TOPBP1: variants seen among roughly 807,000 people sequenced by gnomAD.
TOPBP1 encodes DNA topoisomerase 2-binding protein 1.
Under a neutral mutation model 167.7 loss-of-function variants are expected in TOPBP1, and 28 were observed. That is an observed-to-expected ratio of 0.17 (90% confidence interval 0.12 to 0.23). The LOEUF (loss-of-function observed/expected upper bound fraction) is 0.23. Among genes scored for constraint, TOPBP1 ranks in the 10% least tolerant of loss-of-function variants. The probability of loss-of-function intolerance (pLI) is 1.00; values close to 1 mark genes in which losing one functional copy is unlikely to be tolerated. For missense variants in TOPBP1, 1,554 were observed against 1,809.6 expected, an observed-to-expected ratio of 0.86 and a Z score of 2.56; for synonymous variants, 598 against 611.4, an observed-to-expected ratio of 0.98 and a Z score of 0.32.
At chr3:133,605,901 T>A (rs935634893) in intron 27 of TOPBP1, among the ~76,000 whole-genome samples, 3 of 152,122 alleles carry the variant, frequency 2.0e-5, no homozygotes, top group African/African-American at 2.4e-5. Flanking sequence ...TCATAGGGTA[T>A]AAAAGACTGA....
chr3:133,661,809 A>T lies in TOPBP1; in HGVS notation c.-48T>A, dbSNP rs1936730963. On this transcript the variant is annotated 5_prime_UTR_variant, in exon 1 of 28. Coordinates refer to ENST00000260810, the MANE Select transcript of TOPBP1 (RefSeq NM_007027.4). ...GGGTCTCCGGGCGGCGAGTCGGGGG[A>T]CGCGCTGGCCGCAGGGCGGTGGCTG... 1 of 152,406 alleles carries T rather than the reference A, an allele frequency of 6.6e-6. No homozygotes were observed. Among genetic ancestry groups the T allele is most frequent in the Admixed American group, 6.5e-5 (1 of 15,274 alleles). The allele number at this position is 152,406 out of a possible 1,614,324, so 9.4% of individuals were successfully genotyped here. A position where few individuals can be genotyped will look rare whatever the true frequency, so the allele number is the denominator to read the frequency against.
At chr3:133,618,827 C>T (rs1576685466) in intron 20 of TOPBP1, among the ~76,000 whole-genome samples, 2 of 152,046 alleles carry the variant, frequency 1.3e-5, no homozygotes, top group Admixed American at 1.3e-4. Context: ...CTTTACTTAA[C>T]AGTAGTTATA....
rs1341830671 is a variant in TOPBP1 at position 133,653,398 on chromosome 3, G to GCTT, written c.866_868dup (p.Glu289dup). 2.5e-6 allele frequency: 4 copies of GCTT among 1,612,094 alleles called. No homozygotes were observed. The highest frequency in any genetic ancestry group is 3.4e-6 in the Non-Finnish European group (4 of 1,179,380). On this transcript the variant is annotated inframe_insertion, in exon 7 of 28. Coordinates refer to ENST00000260810, the MANE Select transcript of TOPBP1 (RefSeq NM_007027.4). ...AGTTGAAGAATTGGGCATAGTCTTTGCTTCTGGTCTAGGTTCTGTCTTGTA... is the reference window on the plus strand; with the variant it reads ...AGTTGAAGAATTGGGCATAGTCTTTGCTTCTTCTGGTCTAGGTTCTGTCTTGTA...
intron 14 of TOPBP1, among the ~76,000 whole-genome samples, chr3:133,636,079 GT>G (rs11320762): frequency 0.73 from 111,391 of 151,896 alleles, 41,067 homozygotes; most frequent in Middle Eastern, 0.79. Flanking sequence ...CAAAACTATA[GT>G]TATTAGAAGT....
At chr3:133,640,497 G>A (rs1220349332) in intron 12 of TOPBP1, among the ~76,000 whole-genome samples, 2 of 152,006 alleles carry the variant, frequency 1.3e-5, no homozygotes, top group Non-Finnish European at 2.9e-5. Context: ...TGCAACCTCC[G>A]CCTCCCAGGC....
intron 14 of TOPBP1, among the ~76,000 whole-genome samples, chr3:133,630,015 T>C (rs1935414686): frequency 6.6e-6 from 1 of 152,102 alleles, no homozygotes. Context: ...CTCAAACTCC[T>C]GACCTCATCA....
intron 13 of TOPBP1, 42 bp downstream of exon 13, chr3:133,639,917 T>C (rs766613397): frequency 1.3e-6 from 2 of 1,569,546 alleles, no homozygotes; most frequent in Non-Finnish European, 1.7e-6. Context: ...AGAAACCATC[T>C]AGTTGTAAAT....
chr3:133,643,476 T>C, intron 11 of TOPBP1, 104 bp from the exon 12 acceptor site: 1 of 985,754 alleles, frequency 1.0e-6, no homozygotes, highest in South Asian at 2.0e-5. Context: ...TAAGAAGAAA[T>C]TTTACTTTAA....
At chr3:133,639,085 A>C (rs1326323691) in intron 13 of TOPBP1, among the ~76,000 whole-genome samples, 2 of 152,184 alleles carry the variant, frequency 1.3e-5, no homozygotes, top group Non-Finnish European at 2.9e-5. Context: ...TAGAAATACC[A>C]TTTGACCCAG....
Position 133,620,141 on chromosome 3 carries a change from T to C in TOPBP1, c.3371+14A>G. The C allele has an allele frequency of 6.3e-7, 1 of 1,587,480 alleles. No homozygotes were observed. Among genetic ancestry groups the C allele is most frequent in the Non-Finnish European group, 8.6e-7 (1 of 1,166,434 alleles). On this transcript the variant is annotated intron_variant, in intron 20 of 27. Transcript: ENST00000260810. ...AGTCATCTAGTCTTTCTGCCATCAG[T>C]GACAGGTACACACCTCAGTGCCTCT... is the stretch of plus-strand genomic sequence containing the variant.
intron 23 of TOPBP1, among the ~76,000 whole-genome samples, chr3:133,612,976 CAGCCTCGCAAGT>C (rs1934732088): frequency 6.6e-6 from 1 of 152,162 alleles, no homozygotes; most frequent in Admixed American, 6.5e-5. Context: ...TCTCCTCCCT[CAGCCTCGCAAGT>C]AGCTGGGATT....
In TOPBP1 at chr3:133,649,521, G is replaced by A. The variant is rs1254790447; in HGVS notation, c.1366C>T (p.His456Tyr). The change falls in exon 10 of 28, where the codon CAT becomes TAT. Residue 456 changes from histidine to tyrosine, a missense_variant. This residue lies in a region of TOPBP1 where 1,197 missense variants were observed against 1,351.5 expected (regional missense o/e 0.89). Transcript: ENST00000260810. ...NYQPVEIPVSHKPESKAALLK... is the reference protein window; with the variant it reads ...NYQPVEIPVSYKPESKAALLK... ...AGAGCTGCTTTACTTTCAGGCTTAT[G>A]TGAAACTGGAATTTCCACTGGCTGG... 6.2e-7 allele frequency: 1 copy of A among 1,613,928 alleles called. No homozygotes were observed. The highest frequency in any genetic ancestry group is 8.5e-7 in the Non-Finnish European group (1 of 1,179,858).
chr3:133,625,604 GC>G lies in TOPBP1; in HGVS notation c.2805-1430del, dbSNP rs765013164. On this transcript the variant is annotated intron_variant, in intron 16 of 27. Transcript: ENST00000260810. ...AAATTAGCCGGGTGTGGTGGCGCATGCCTGTAATACCAGCTACTCAGGAGGC... is the reference window on the plus strand; with the variant it reads ...AAATTAGCCGGGTGTGGTGGCGCATGCTGTAATACCAGCTACTCAGGAGGC... Among the ~76,000 whole-genome samples the G allele has an allele frequency of 5.3e-5, 8 of 152,136 alleles. 1 individual carries two copies. Among genetic ancestry groups the G allele is most frequent in the East Asian group, 1.9e-4 (1 of 5,148 alleles).
chr3:133,656,836 G>C lies in TOPBP1; in HGVS notation c.385C>G (p.Gln129Glu), dbSNP rs1559834660. The change falls in exon 5 of 28, where the codon CAA becomes GAA. Residue 129 changes from glutamine to glutamate, a missense_variant. Around this residue, in one of 3 missense-constraint regions of TOPBP1, gnomAD observed 1,197 missense variants for 1,351.5 expected, o/e 0.89. Transcript: ENST00000260810. ...CTGTATACTCGTCCGCCCATCATTT[G>C]TACATATTTATGAACTTCTTCCTGC... ...EKREEVHKYV[Q>E]MMGGRVYRDL... 1 of 1,588,362 alleles carries C rather than the reference G, an allele frequency of 6.3e-7. No individual in the cohort carries two copies.
chr3:133,637,648 A>T (rs1380732437), intron 14 of TOPBP1, among the ~76,000 whole-genome samples: 1 of 152,238 alleles, frequency 6.6e-6, no homozygotes, highest in Non-Finnish European at 1.5e-5. Context: ...AGATCGATCC[A>T]GTACTTGAAC....
chr3:133,602,018 G>A (rs1227089613), intron 27 of TOPBP1, among the ~76,000 whole-genome samples: 1 of 152,078 alleles, frequency 6.6e-6, no homozygotes, highest in Non-Finnish European at 1.5e-5. Flanking sequence ...GGGGGGCTGG[G>A]GACGCAAACA....
At chr3:133,656,237 A>C (rs1348574) in intron 5 of TOPBP1, among the ~76,000 whole-genome samples, 12,318 of 152,050 alleles carry the variant, frequency 0.081, 511 homozygotes, top group Middle Eastern at 0.13. Flanking sequence ...AAATGATCAC[A>C]TCTCAGCTGA....
rs747906236 is a variant in TOPBP1, at chr3:133,657,863, G to A, written c.298C>T (p.Pro100Ser). The A allele has an allele frequency of 1.1e-5, 17 of 1,601,772 alleles. No homozygotes were observed. In the South Asian group the frequency reaches 1.9e-4, roughly 18 times the overall value. ...TCAGACATAACCATATTATAAACTG[G>A]ATGTTCGGCTCTTGGGACACATCGC... ...HQRCVPRAEH[P>S]VYNMVMSDVT... Residue 100 changes from proline (P) to serine (S), a missense_variant, in exon 4 of 28, where the codon CCA becomes TCA. Around this residue, in one of 3 missense-constraint regions of TOPBP1, gnomAD observed 1,197 missense variants for 1,351.5 expected, o/e 0.89. Coordinates refer to ENST00000260810, the MANE Select transcript of TOPBP1 (RefSeq NM_007027.4).
chr3:133,620,873 C>T (rs1241965544), intron 19 of TOPBP1, among the ~76,000 whole-genome samples: 1 of 151,816 alleles, frequency 6.6e-6, no homozygotes, highest in Non-Finnish European at 1.5e-5. Context: ...CCGTGCCTGG[C>T]CCCCTTCAAA....
Sources: allele counts gnomAD v4.1 joint callset (sites outside exome capture counted in the v4.1 genomes callset), GRCh38; gene constraint gnomAD v4.1.1; regional missense constraint gnomAD v4.1.1; transcripts MANE v1.5; gene names NCBI Gene and HGNC (gene_info 2026-07-23, HGNC 2026-07-21).